NEO1: variants seen among roughly 807,000 people sequenced by gnomAD.
NEO1 encodes the protein neogenin 1, also known as neogenin.
A neutral mutation model predicts 159.7 loss-of-function variants in NEO1; 63 were observed. That is an observed-to-expected ratio of 0.39 (90% CI 0.32 to 0.49). The LOEUF is 0.49. Ranked by LOEUF, NEO1 falls within the 20% of genes least tolerant of loss-of-function variation. NEO1 has a pLI of 0.85. For synonymous variants in NEO1, 633 were observed against 662.0 expected, an observed-to-expected ratio of 0.96 and a Z score of 0.67; for missense variants, 1,615 against 1,831.0, an observed-to-expected ratio of 0.88 and a Z score of 2.15.
chr15:73,099,662 T>C (rs1712351203), intron 1 of NEO1, among the ~76,000 whole-genome samples: 2 of 152,254 alleles, frequency 1.3e-5, no homozygotes, highest in Admixed American at 1.3e-4. Context: ...ATTCATGTGC[T>C]ATTTGTTTTC....
intron 5 of NEO1, chr15:73,143,215 G>GGA (rs1367427746): frequency 1.2e-5 from 2 of 164,672 alleles, no homozygotes; most frequent in African/African-American, 4.7e-5. Flanking sequence ...GGAAGCCAAG[G>GGA]GAGGAGGCCA....
chr15:73,071,118 T>A (rs990426349), intron 1 of NEO1, among the ~76,000 whole-genome samples: 1 of 152,126 alleles, frequency 6.6e-6, no homozygotes, highest in Non-Finnish European at 1.5e-5. Context: ...TGGCTAATTT[T>A]AAAAATTTGT....
At chr15:73,190,122 T>A (rs1426155265) in intron 7 of NEO1, among the ~76,000 whole-genome samples, 1 of 152,200 alleles carries the variant, frequency 6.6e-6, no homozygotes, top group Admixed American at 6.5e-5. Context: ...GCAGGTACAT[T>A]GTTATTATTA....
chr15:73,092,020 T>C (rs749679714), intron 1 of NEO1, among the ~76,000 whole-genome samples: 5 of 152,198 alleles, frequency 3.3e-5, no homozygotes, highest in Non-Finnish European at 5.9e-5. Context: ...GTACATAAAA[T>C]TGAACTCTCT....
chr15:73,203,351 C>T (rs1409207254), intron 7 of NEO1, among the ~76,000 whole-genome samples: 1 of 152,046 alleles, frequency 6.6e-6, no homozygotes, highest in Non-Finnish European at 1.5e-5. Flanking sequence ...TACTCTGAAT[C>T]TTTATATTTA....
intron 5 of NEO1, among the ~76,000 whole-genome samples, chr15:73,142,103 G>A (rs985705258): frequency 1.3e-5 from 2 of 150,692 alleles, no homozygotes; most frequent in Non-Finnish European, 3.0e-5. Flanking sequence ...TTTTTTTTTA[G>A]AAGAGCCAGC....
intron 4 of NEO1, among the ~76,000 whole-genome samples, chr15:73,127,916 C>T (rs1596076369): frequency 2.0e-5 from 3 of 152,218 alleles, no homozygotes; most frequent in Admixed American, 2.0e-4. Context: ...TTGGACAGGG[C>T]AGATCTAGAG....
rs763506418 is a variant in NEO1, at chr15:73,282,994, C to A, written c.3293C>A (p.Ser1098Tyr). The A allele has an allele frequency of 5.6e-6, 9 of 1,614,062 alleles. No homozygotes were observed. The Admixed American group carries it at 1.5e-4, about 27-fold the overall frequency. Residue 1098 changes from serine to tyrosine, a missense_variant, in exon 23 of 29, where the codon TCT becomes TAT. Coordinates refer to ENST00000261908, the MANE Select transcript of NEO1 (RefSeq NM_002499.4). ...AACAGCCCTCATGGGAGCCCCACCT[C>A]TCCTCTGGACAGTAATATGCTGCTG... ...GSNSPHGSPT[S>Y]PLDSNMLLVI...
At chr15:73,250,747 A>T (rs2040028591) in intron 11 of NEO1, among the ~76,000 whole-genome samples, 1 of 152,212 alleles carries the variant, frequency 6.6e-6, no homozygotes, top group South Asian at 2.1e-4. Flanking sequence ...TAGATTAAAG[A>T]AGAGTAAAGA....
rs200013045 is a variant in NEO1, at chr15:73,082,352, CCGCA to C, written c.130+29548_130+29551del. The stretch of plus-strand genomic sequence containing the variant: ...ATTTTGACTGATGTGTTTCTGTCTA[CCGCA>C]TCGTAATATAAGATGACATTTGTAG... On this transcript the variant is annotated intron_variant, in intron 1 of 28. Transcript: ENST00000261908. Among the ~76,000 whole-genome samples, 56 of 152,220 alleles carry C rather than the reference CCGCA, an allele frequency of 3.7e-4. 1 individual carries two copies. In the East Asian group the frequency reaches 0.011, roughly 29 times the overall value.
At chr15:73,212,097 T>TC (rs2037613478) in intron 7 of NEO1, among the ~76,000 whole-genome samples, 1 of 152,192 alleles carries the variant, frequency 6.6e-6, no homozygotes, top group African/African-American at 2.4e-5. Context: ...TTAACACTGA[T>TC]CATGTGGTTA....
At chr15:73,290,781 T>C (rs2042136584) in intron 25 of NEO1, among the ~76,000 whole-genome samples, 1 of 152,138 alleles carries the variant, frequency 6.6e-6, no homozygotes, top group Non-Finnish European at 1.5e-5. Context: ...TTCTCAGCCA[T>C]CTGTCAACAA....
intron 1 of NEO1, among the ~76,000 whole-genome samples, chr15:73,099,217 C>T (rs909328972): frequency 3.9e-5 from 6 of 152,058 alleles, no homozygotes; most frequent in Non-Finnish European, 7.4e-5. Flanking sequence ...TTAGAGGTTT[C>T]CCCTCTTTTC....
At chr15:73,257,282 A>G (rs923884028) in intron 13 of NEO1, among the ~76,000 whole-genome samples, 1 of 148,562 alleles carries the variant, frequency 6.7e-6, no homozygotes, top group African/African-American at 2.5e-5. Flanking sequence ...AAAAAAAAAG[A>G]GTATAGTCCT....
intron 1 of NEO1, among the ~76,000 whole-genome samples, chr15:73,070,301 G>A (rs1317060322): frequency 1.3e-5 from 2 of 152,240 alleles, no homozygotes; most frequent in East Asian, 1.9e-4. Flanking sequence ...TTAATACAGT[G>A]GCTTTCACAC....
At chr15:73,220,140 A>T (rs1280428713) in intron 7 of NEO1, among the ~76,000 whole-genome samples, 1 of 151,842 alleles carries the variant, frequency 6.6e-6, no homozygotes, top group Non-Finnish European at 1.5e-5. Flanking sequence ...ATCTCTCAGC[A>T]TTTGCTTGTC....
chr15:73,291,445 A>G (rs899492473), intron 25 of NEO1, among the ~76,000 whole-genome samples: 3 of 152,192 alleles, frequency 2.0e-5, no homozygotes, highest in African/African-American at 7.2e-5. Context: ...TTGGGTGGGT[A>G]AGTGGAATCT....
At chr15:73,121,972 C>T (rs1391264297) in intron 2 of NEO1, among the ~76,000 whole-genome samples, 1 of 151,212 alleles carries the variant, frequency 6.6e-6, no homozygotes, top group East Asian at 1.9e-4. Context: ...AAGGTAGAGA[C>T]ACCATATGTA....
intron 28 of NEO1, among the ~76,000 whole-genome samples, 154 bp from the exon 29 acceptor site, chr15:73,302,440 GACCTTGGGTCTATCCTGCT>G (rs777263822): frequency 1.5e-4 from 23 of 152,166 alleles, no homozygotes; most frequent in Non-Finnish European, 3.2e-4. Flanking sequence ...GGATCCTAGT[GACCTTGGGTCTATCCTGCT>G]ACTTTCCACT....
Sources: allele counts gnomAD v4.1 joint callset (sites outside exome capture counted in the v4.1 genomes callset), GRCh38; gene constraint gnomAD v4.1.1; transcripts MANE v1.5; gene names NCBI Gene and HGNC (gene_info 2026-07-23, HGNC 2026-07-21).